Variants in CEP152 observed in about 807,000 individuals in gnomAD.
CEP152 encodes the protein centrosomal protein of 152 kDa.
Under a neutral mutation model 188.9 loss-of-function variants are expected in CEP152, and 132 were observed. The observed-to-expected ratio is 0.70, with a 90% CI of 0.61 to 0.81. The LOEUF (loss-of-function observed/expected upper bound fraction) is 0.81, where lower values mean the gene tolerates loss of function less well. Among genes scored for constraint, CEP152 ranks in the 30% least tolerant of loss-of-function variants. CEP152 has a pLI of 0.00. For synonymous variants in CEP152, 649 were observed against 666.6 expected (o/e 0.97, Z 0.41); for missense variants, 1,914 against 1,969.8 (o/e 0.97, Z 0.54).
At chr15:48,771,441 T>C (rs770349061) in intron 13 of CEP152, among the ~76,000 whole-genome samples, 1 of 152,212 alleles carries the variant, frequency 6.6e-6, no homozygotes, top group African/African-American at 2.4e-5. Context: ...AGAATGACTT[T>C]TGTTGTAAGA....
intron 20 of CEP152, 95 bp from the exon 21 acceptor site, chr15:48,752,564 C>G: frequency 6.6e-7 from 1 of 1,514,498 alleles, no homozygotes. Context: ...AGAGAAAACA[C>G]TACCTGAAAA....
At chr15:48,806,052 C>A (rs1257656897) in intron 1 of CEP152, among the ~76,000 whole-genome samples, 1 of 151,994 alleles carries the variant, frequency 6.6e-6, no homozygotes, top group Non-Finnish European at 1.5e-5. Flanking sequence ...TACCCTATTG[C>A]TTCATTTTTT....
chr15:48,765,936 G>A (rs949992528), intron 17 of CEP152, among the ~76,000 whole-genome samples: 1 of 152,120 alleles, frequency 6.6e-6, no homozygotes, highest in Non-Finnish European at 1.5e-5. Context: ...ACAGGCGTGA[G>A]CCACTGTGCC....
chr15:48,750,631 T>C (rs1000911846), intron 21 of CEP152, among the ~76,000 whole-genome samples: 30 of 152,266 alleles, frequency 2.0e-4, no homozygotes, highest in African/African-American at 6.7e-4. Flanking sequence ...TCATAGTATA[T>C]TCATACACTG....
intron 2 of CEP152, among the ~76,000 whole-genome samples, chr15:48,802,554 A>G (rs1282611983): frequency 6.6e-6 from 1 of 152,130 alleles, no homozygotes; most frequent in East Asian, 1.9e-4. Context: ...CAGTGGGCCA[A>G]CTTTTACTAA....
At chr15:48,741,902 T>C in intron 25 of CEP152, 45 bp downstream of exon 25, 1 of 1,613,978 alleles carries the variant, frequency 6.2e-7, no homozygotes, top group Non-Finnish European at 8.5e-7. Context: ...AATGATAACA[T>C]GTTGTCCTGG....
At chr15:48,741,223 G>C (rs1892951950) in intron 26 of CEP152, 3 of 1,090,556 alleles carry the variant, frequency 2.8e-6, no homozygotes, top group Non-Finnish European at 3.3e-6. Context: ...TCAAATTCCT[G>C]GGATCAAGGG....
At chr15:48,748,303 T>C in intron 22 of CEP152, 140 bp downstream of exon 22, 1 of 1,281,444 alleles carries the variant, frequency 7.8e-7, no homozygotes, top group Non-Finnish European at 9.9e-7. Flanking sequence ...ATAATTTGAT[T>C]AGTAAAAATA....
intron 2 of CEP152, 71 bp from the exon 3 acceptor site, chr15:48,798,122 A>G: frequency 7.9e-7 from 1 of 1,266,686 alleles, no homozygotes; most frequent in Non-Finnish European, 1.1e-6. Context: ...CTGCCTTGGA[A>G]CGAGTGGTTT....
chr15:48,735,332 A>G (rs1029154423), downstream of CEP152, among the ~76,000 whole-genome samples: 16 of 152,266 alleles, frequency 1.1e-4, no homozygotes, highest in African/African-American at 2.9e-4. Context: ...ACAACATATC[A>G]AAACATATGA....
At chr15:48,781,663 G>A (rs1896248717) in intron 11 of CEP152, among the ~76,000 whole-genome samples, 1 of 152,132 alleles carries the variant, frequency 6.6e-6, no homozygotes, top group Admixed American at 6.5e-5. Flanking sequence ...GCGCTTTCTG[G>A]CTTACTAGAG....
At chr15:48,736,284 T>A (rs1476118525), downstream of CEP152, among the ~76,000 whole-genome samples, 11 of 152,258 alleles carry the variant, frequency 7.2e-5, no homozygotes, top group Non-Finnish European at 1.2e-4. Context: ...ACTTTCCAAC[T>A]CACCCTATGG....
chr15:48,755,771 TTTTTAA>T, intron 20 of CEP152, 126 bp downstream of exon 20: 1 of 1,521,364 alleles, frequency 6.6e-7, no homozygotes, highest in East Asian at 2.3e-5. Flanking sequence ...TACAGAAACT[TTTTTAA>T]ACCACTGACA....
In CEP152 at chr15:48,744,902, G is replaced by A. The variant is rs370372775; in HGVS notation, c.3725C>T (p.Pro1242Leu). The A allele has an allele frequency of 1.9e-6, 3 of 1,608,022 alleles. No individual in the cohort carries two copies. The highest frequency in any genetic ancestry group is 2.7e-5 in the African/African-American group (2 of 74,640). The change falls in exon 23 of 27, where the codon CCA becomes CTA. Residue 1242 changes from proline (P) to leucine (L), a missense_variant. Transcript: ENST00000380950. ...TAAAATAGTAAAAGTATACCTTGGT[G>A]GTGTTTTACAAAGTGTTTGCAATTC... ...LEELQTLCKT[P>L]PRSLSAGAIE... is the part of the protein sequence containing the mutation.
chr15:48,766,473 A>G (rs1236401454), intron 17 of CEP152, among the ~76,000 whole-genome samples: 2 of 152,322 alleles, frequency 1.3e-5, no homozygotes, highest in East Asian at 3.9e-4. Context: ...AGAGTGACTC[A>G]GAAGAATCAG....
chr15:48,803,378 T>A (rs561122421), intron 2 of CEP152, among the ~76,000 whole-genome samples: 1 of 152,366 alleles, frequency 6.6e-6, no homozygotes, highest in Non-Finnish European at 1.5e-5. Context: ...TTTATTACTT[T>A]AACTTGTAGT....
chr15:48,741,039 G>A lies in CEP152; in HGVS notation c.4093+562C>T, dbSNP rs185514117. The A allele has an allele frequency of 1.5e-4, 150 of 989,246 alleles. No individual in the cohort carries two copies. In the Admixed American group the frequency reaches 5.8e-3, roughly 39 times the overall value. 61.3% of individuals were successfully genotyped at this position (989,246 alleles called of 1,614,324 possible). ...CTCCTAATTGCAATAGTCATCTCCC[G>A]GTGGTTTTGAACTGAGGTTTCCATC... On this transcript the variant is annotated intron_variant, in intron 26 of 26. Transcript: ENST00000380950.
intron 21 of CEP152, 71 bp downstream of exon 21, chr15:48,752,278 A>G: frequency 6.2e-7 from 1 of 1,613,022 alleles, no homozygotes; most frequent in Non-Finnish European, 8.5e-7. Context: ...ATCTCCTTTT[A>G]TCCTCAAAGC....
intron 12 of CEP152, 56 bp downstream of exon 12, chr15:48,781,140 C>T: frequency 6.9e-7 from 1 of 1,455,170 alleles, no homozygotes; most frequent in Admixed American, 1.7e-5. Flanking sequence ...TACCATGCAT[C>T]ATCAGCATTA....
Sources: gnomAD v4.1 joint callset for allele counts (sites outside exome capture counted in the v4.1 genomes callset) on GRCh38, gnomAD v4.1.1 for gene constraint, MANE v1.5 for transcripts, NCBI Gene and HGNC (gene_info 2026-07-23, HGNC 2026-07-21) for gene names.